CENPF: variants seen among roughly 807,000 people sequenced by gnomAD.
CENPF encodes AH antigen.
A neutral mutation model predicts 307.3 loss-of-function variants in CENPF; 214 were observed. That is an observed-to-expected ratio of 0.70 (90% CI 0.62 to 0.78). The LOEUF is 0.78. Among genes scored for constraint, CENPF ranks in the 30% least tolerant of loss-of-function variants. The probability of loss-of-function intolerance (pLI) is 0.00; values close to 1 mark genes in which losing one functional copy is unlikely to be tolerated. For missense variants in CENPF, 3,401 were observed against 3,483.9 expected, an observed-to-expected ratio of 0.98 and a Z score of 0.60; for synonymous variants, 1,259 against 1,270.6, an observed-to-expected ratio of 0.99 and a Z score of 0.19.
rs757203549 is a variant in CENPF at position 214,640,479 on chromosome 1, A to C, written c.2141A>C (p.His714Pro). 4.3e-6 allele frequency: 7 copies of C among 1,614,026 alleles called. No individual in the cohort carries two copies. Among genetic ancestry groups the C allele is most frequent in the Non-Finnish European group, 5.9e-6 (7 of 1,180,022 alleles). ...AAAGCTGAGTTCTCAGATCAGAAAC[A>C]TCAGAAGGAAATAGAAAATATGTGT... Reference protein sequence around the residue: ...QQKAEFSDQKHQKEIENMCLK... With the variant: ...QQKAEFSDQKPQKEIENMCLK... Residue 714 changes from histidine to proline, a missense_variant, in exon 12 of 20, where the codon CAT (histidine) becomes CCT (proline). Coordinates refer to ENST00000366955, the MANE Select transcript of CENPF (RefSeq NM_016343.4).
At chr1:214,662,791 T>A (rs1357791669) in intron 19 of CENPF, among the ~76,000 whole-genome samples, 1 of 146,642 alleles carries the variant, frequency 6.8e-6, no homozygotes, top group Admixed American at 6.8e-5. Flanking sequence ...TAAATTTCAA[T>A]TTTTTTTTTT....
chr1:214,641,642 G>C lies in CENPF; in HGVS notation c.3304G>C (p.Glu1102Gln), dbSNP rs1658118122. The change falls in exon 12 of 20, where the codon GAG (glutamate) becomes CAG (glutamine). Residue 1102 changes from glutamate (E) to glutamine (Q), a missense_variant. Coordinates refer to ENST00000366955, the MANE Select transcript of CENPF (RefSeq NM_016343.4). ...AEERNQNLMLELETVQQALRS... is the reference protein window; with the variant it reads ...AEERNQNLMLQLETVQQALRS... Reference sequence around the variant, plus strand: ...AGAAAGAAATCAGAATCTGATGCTAGAGTTGGAGACAGTGCAGCAAGCTCT... The same window carrying C: ...AGAAAGAAATCAGAATCTGATGCTACAGTTGGAGACAGTGCAGCAAGCTCT... The C allele has an allele frequency of 3.2e-6, 5 of 1,570,666 alleles. No individual in the cohort carries two copies. The South Asian group carries it at 4.8e-5, about 15-fold the overall frequency.
chr1:214,629,176 G>A lies in CENPF; in HGVS notation c.1194+5G>A. ...AAAGAAAAGGAGTTTCAAGAGGTAAGGTAAATGGATTCATGAGGTGTTTGT... is the reference window on the plus strand; with the variant it reads ...AAAGAAAAGGAGTTTCAAGAGGTAAAGTAAATGGATTCATGAGGTGTTTGT... On this transcript the variant is annotated splice_donor_5th_base_variant and intron_variant, in intron 8 of 19. Transcript: ENST00000366955. 6.2e-7 allele frequency: 1 copy of A among 1,600,930 alleles called. No homozygotes were observed. Among genetic ancestry groups the A allele is most frequent in the Non-Finnish European group, 8.5e-7 (1 of 1,175,706 alleles).
At chr1:214,639,883 A>C (rs370064304) in intron 11 of CENPF, 38 bp from the exon 12 acceptor site, 10 of 1,413,288 alleles carry the variant, frequency 7.1e-6, no homozygotes, top group Middle Eastern at 2.6e-4. Context: ...ATAAACATTT[A>C]TTACAAACAT....
chr1:214,629,063 A>G lies in CENPF; in HGVS notation c.1086A>G (p.Gln362=), dbSNP rs751941434. ...ATTATTAGTATACTGCATTGGAACA[A>G]AAACTGAAAAAATTGACGGAAGATT... ...QASTKYTALE[Q]KLKKLTEDLS... is the part of the protein sequence containing the mutation. The change falls in exon 8 of 20, where the codon CAA becomes CAG. Residue 362 remains glutamine (Q), a synonymous_variant. Coordinates refer to ENST00000366955, the MANE Select transcript of CENPF (RefSeq NM_016343.4). 2 of 1,610,364 alleles carry G rather than the reference A, an allele frequency of 1.2e-6. No homozygotes were observed. Among genetic ancestry groups the G allele is most frequent in the Non-Finnish European group, 1.7e-6 (2 of 1,178,252 alleles).
intron 18 of CENPF, 118 bp downstream of exon 18, chr1:214,657,527 C>A: frequency 1.4e-6 from 1 of 719,816 alleles, no homozygotes; most frequent in Non-Finnish European, 2.3e-6. Context: ...ATCTCATTGA[C>A]GTTCATAAGC....
chr1:214,637,745 A>G (rs959991782), intron 10 of CENPF, 121 bp from the exon 11 acceptor site: 5 of 948,854 alleles, frequency 5.3e-6, no homozygotes, highest in Non-Finnish European at 7.7e-6. Context: ...AAACGGGGAA[A>G]TTGTGATTCT....
Position 214,620,875 on chromosome 1 carries a change from A to T in CENPF, c.794A>T (p.Asp265Val). 1 of 1,614,184 alleles carries T rather than the reference A, an allele frequency of 6.2e-7. No homozygotes were observed. The highest frequency in any genetic ancestry group is 8.5e-7 in the Non-Finnish European group (1 of 1,180,026). ...TCAACTTTGCAAATAGGGAAAAGAG[A>T]TGCTAATAGCAGTTTCTTTGACAAT... ...SRSTLQIGKRDANSSFFDNSS... is the reference protein window; with the variant it reads ...SRSTLQIGKRVANSSFFDNSS... Residue 265 changes from aspartate to valine, a missense_variant, in exon 6 of 20, where the codon GAT (aspartate) becomes GTT (valine). By Grantham distance (152) the Asp-to-Val change is radical. Transcript: ENST00000366955.
intron 1 of CENPF, chr1:214,608,404 T>A: frequency 6.2e-7 from 1 of 1,613,506 alleles, no homozygotes; most frequent in South Asian, 1.1e-5. Context: ...GCCGGAGTAG[T>A]CGTAGGAGAA....
intron 18 of CENPF, 75 bp from the exon 19 acceptor site, chr1:214,658,775 C>G: frequency 6.9e-7 from 1 of 1,445,426 alleles, no homozygotes; most frequent in Non-Finnish European, 9.6e-7. Context: ...TTGTTAAAAC[C>G]ACCTAATGAA....
intron 3 of CENPF, chr1:214,615,241 G>A (rs963589508): frequency 1.5e-5 from 5 of 337,896 alleles, no homozygotes; most frequent in Admixed American, 1.4e-4. Flanking sequence ...AGCTCAGTAC[G>A]ATATAAATTT....
At chr1:214,652,581 T>C (rs1658514636) in intron 15 of CENPF, among the ~76,000 whole-genome samples, 1 of 150,288 alleles carries the variant, frequency 6.7e-6, no homozygotes. Flanking sequence ...GTAGCTGGGA[T>C]TATAGGCGCC....
chr1:214,621,771 T>C (rs975255629), intron 6 of CENPF, among the ~76,000 whole-genome samples: 11 of 152,216 alleles, frequency 7.2e-5, no homozygotes, highest in Admixed American at 2.0e-4. Context: ...AAGGGTGTCA[T>C]ATGTGATGTA....
chr1:214,644,399 T>G (rs1184529279), intron 12 of CENPF, among the ~76,000 whole-genome samples, 158 bp from the exon 13 acceptor site: 2 of 152,234 alleles, frequency 1.3e-5, no homozygotes, highest in African/African-American at 4.8e-5. Flanking sequence ...GTTGAACATT[T>G]GAATGAAGAG....
chr1:214,613,996 T>A (rs929335393), intron 2 of CENPF, 80 bp downstream of exon 2: 6 of 1,282,142 alleles, frequency 4.7e-6, no homozygotes, highest in Non-Finnish European at 6.3e-6. Flanking sequence ...TGTTCACTCA[T>A]TTTTGGATTA....
At chr1:214,604,317 C>A (rs1656966059) in intron 1 of CENPF, among the ~76,000 whole-genome samples, 1 of 152,192 alleles carries the variant, frequency 6.6e-6, no homozygotes, top group South Asian at 2.1e-4. Flanking sequence ...GTCCTCCATG[C>A]AGGAACCTTC....
At chr1:214,652,260 C>A (rs1238693202) in intron 15 of CENPF, among the ~76,000 whole-genome samples, 4 of 151,226 alleles carry the variant, frequency 2.6e-5, no homozygotes, top group Non-Finnish European at 4.4e-5. Flanking sequence ...TGGTCTCGAT[C>A]TCCTGATCTT....
intron 8 of CENPF, among the ~76,000 whole-genome samples, chr1:214,629,672 C>T (rs966442317): frequency 1.1e-4 from 17 of 152,148 alleles, no homozygotes; most frequent in African/African-American, 4.1e-4. Context: ...CTGCCTCAGC[C>T]TCCCGAGGAG....
chr1:214,647,936 C>T (rs1228209134), intron 13 of CENPF: 1 of 489,170 alleles, frequency 2.0e-6, no homozygotes, highest in African/African-American at 1.9e-5. Context: ...CCTCTTATAC[C>T]TTCTCTTTGT....
Sources: allele counts gnomAD v4.1 joint callset (sites outside exome capture counted in the v4.1 genomes callset), GRCh38; gene constraint gnomAD v4.1.1; transcripts MANE v1.5; gene names NCBI Gene and HGNC (gene_info 2026-07-23, HGNC 2026-07-21).